The following RNF6 variants were observed in gnomAD, a reference collection of about 807,000 sequenced individuals.
RNF6 encodes the protein ring finger protein 6.
Under a neutral mutation model 50.1 loss-of-function variants are expected in RNF6, and 21 were observed. The ratio of observed to expected loss-of-function variants is 0.42; its 90% CI spans 0.30 to 0.60. The LOEUF (loss-of-function observed/expected upper bound fraction) is 0.60, where lower values mean the gene tolerates loss of function less well. Among genes scored for constraint, RNF6 ranks in the 20% least tolerant of loss-of-function variants. The probability of loss-of-function intolerance (pLI) is 0.20; values close to 1 mark genes in which losing one functional copy is unlikely to be tolerated. For missense variants in RNF6, 698 were observed against 838.2 expected (o/e 0.83, Z 2.07); for synonymous variants, 255 against 291.8 (o/e 0.87, Z 1.29).
chr13:26,140,754 C>T (rs1870896390), intron 5 of RNF6, among the ~76,000 whole-genome samples: 1 of 152,118 alleles, frequency 6.6e-6, no homozygotes, highest in Non-Finnish European at 1.5e-5. Context: ...ACAAAAAGCT[C>T]CTAGACCTGA....
chr13:26,205,391 T>C (rs1017561434), intron 5 of RNF6, among the ~76,000 whole-genome samples: 2 of 152,232 alleles, frequency 1.3e-5, no homozygotes, highest in Non-Finnish European at 2.9e-5. Context: ...CTCAATGTTA[T>C]AAAATCACTG....
intron 5 of RNF6, among the ~76,000 whole-genome samples, chr13:26,151,979 C>T (rs373588153): frequency 4.6e-5 from 7 of 152,264 alleles, no homozygotes; most frequent in African/African-American, 1.4e-4. Flanking sequence ...GAGCTGCTCA[C>T]GACTGCCACT....
intron 5 of RNF6, among the ~76,000 whole-genome samples, chr13:26,191,263 TG>T (rs2137685034): frequency 6.6e-6 from 1 of 150,748 alleles, no homozygotes; most frequent in African/African-American, 2.4e-5. Flanking sequence ...CTAATTCCAA[TG>T]GATTAAATAT....
chr13:26,213,762 G>T lies in RNF6; in HGVS notation c.*62C>A. ...TGGTTAGCTAATCACAAATAACTCA[G>T]CAAAACAATGCTTGAACATTCAGTT... is the stretch of plus-strand genomic sequence containing the variant. On this transcript the variant is annotated 3_prime_UTR_variant, in exon 5 of 5. Coordinates refer to ENST00000381588, the MANE Select transcript of RNF6 (RefSeq NM_005977.4). 1 of 1,365,988 alleles carries T rather than the reference G, an allele frequency of 7.3e-7. No individual in the cohort carries two copies. Among genetic ancestry groups the T allele is most frequent in the Non-Finnish European group, 1.0e-6 (1 of 999,694 alleles). 84.6% of individuals were successfully genotyped at this position (1,365,988 alleles called of 1,614,324 possible). A position where few individuals can be genotyped will look rare whatever the true frequency, so the allele number is the denominator to read the frequency against.
chr13:26,161,110 G>A (rs1344881627), intron 5 of RNF6, among the ~76,000 whole-genome samples: 3 of 152,110 alleles, frequency 2.0e-5, no homozygotes, highest in African/African-American at 7.2e-5. Context: ...GATTTGAAAT[G>A]TCATTTTATT....
At chr13:26,155,645 G>A (rs1871879722) in intron 5 of RNF6, among the ~76,000 whole-genome samples, 1 of 152,164 alleles carries the variant, frequency 6.6e-6, no homozygotes, top group Non-Finnish European at 1.5e-5. Context: ...GCTGCTGGAC[G>A]GGCAATAGGT....
At position 26,214,298 on chromosome 13, in the gene RNF6, G is replaced by A. The variant is rs1397215912; in HGVS notation, c.1584C>T (p.Asn528=). 6.2e-7 allele frequency: 1 copy of A among 1,614,080 alleles called. No individual in the cohort carries two copies. Among genetic ancestry groups the A allele is most frequent in the South Asian group, 1.1e-5 (1 of 91,076 alleles). Reference sequence around the variant, plus strand: ...AGGAACCTTCCCTGTGCTGGCTCCTGTTGTTATCTGTACCTAAGTTACTCA... The same window carrying A: ...AGGAACCTTCCCTGTGCTGGCTCCTATTGTTATCTGTACCTAAGTTACTCA... The part of the protein sequence containing the change: ...SELSNLGTDN[N]RSQHREGSSQ... Residue 528 remains asparagine (N), a synonymous_variant, in exon 5 of 5, where the codon AAC becomes AAT. Coordinates refer to ENST00000381588, the MANE Select transcript of RNF6 (RefSeq NM_005977.4).
chr13:26,169,176 G>C (rs1000284939), intron 5 of RNF6, among the ~76,000 whole-genome samples: 10 of 152,116 alleles, frequency 6.6e-5, no homozygotes, highest in East Asian at 1.9e-4. Context: ...GCATAGAAAG[G>C]GTTCCCTGCC....
At chr13:26,211,121 T>C (rs1311484481), downstream of RNF6, among the ~76,000 whole-genome samples, 1 of 152,250 alleles carries the variant, frequency 6.6e-6, no homozygotes, top group African/African-American at 2.4e-5. Flanking sequence ...TGGGCCTTTG[T>C]ATTTGTCATC....
chr13:26,135,997 A>G (rs1870629034), intron 5 of RNF6, among the ~76,000 whole-genome samples: 1 of 152,188 alleles, frequency 6.6e-6, no homozygotes, highest in Admixed American at 6.5e-5. Flanking sequence ...ACTATGTTTC[A>G]TGTACAGTCT....
chr13:26,214,141 C>T lies in RNF6; in HGVS notation c.1741G>A (p.Gly581Arg), dbSNP rs559444393. Residue 581 changes from glycine to arginine, a missense_variant, in exon 5 of 5, where the codon GGA becomes AGA. Transcript: ENST00000381588. ...LRNPNNLVET[G>R]TLPILRLAHF... The stretch of plus-strand genomic sequence containing the variant: ...GCAAGGCGAAGAATGGGTAGTGTTC[C>T]AGTTTCAACTAAATTGTTTGGATTT... The T allele has an allele frequency of 6.2e-7, 1 of 1,614,162 alleles. No individual in the cohort carries two copies. The highest frequency in any genetic ancestry group is 1.3e-5 in the African/African-American group (1 of 75,032).
rs77676730 is a variant in RNF6 at position 26,184,769 on chromosome 13, A to G, written n.768+30705T>C. The stretch of plus-strand genomic sequence containing the variant: ...AATGCCTCACCTTACATTTTCTATG[A>G]GTGAAAATAACGTAGATTGAATGCT... On this transcript the variant is annotated intron_variant and non_coding_transcript_variant, in intron 5 of 5. Coordinates refer to the RNF6 transcript ENST00000468480. Among the ~76,000 whole-genome samples, 782 of 152,218 alleles carry G rather than the reference A, an allele frequency of 5.1e-3. 40 individuals carry two copies. In the East Asian group the frequency reaches 0.13, roughly 25 times the overall value.
chr13:26,220,610 A>G (rs558741375), intron 2 of RNF6, among the ~76,000 whole-genome samples: 1 of 152,338 alleles, frequency 6.6e-6, no homozygotes, highest in Admixed American at 6.5e-5. Context: ...AGATGCCCAA[A>G]TCTCATCCCC....
At chr13:26,136,533 T>A (rs1429995244) in intron 5 of RNF6, among the ~76,000 whole-genome samples, 1 of 152,182 alleles carries the variant, frequency 6.6e-6, no homozygotes, top group Non-Finnish European at 1.5e-5. Flanking sequence ...CCATGTCAAA[T>A]GACAACACAT....
downstream of RNF6, among the ~76,000 whole-genome samples, chr13:26,209,786 G>GAT (rs35139305): frequency 0.21 from 29,642 of 140,364 alleles, 3,057 homozygotes; most frequent in East Asian, 0.41. Context: ...GAAGATGTGA[G>GAT]ATATATATAT....
At chr13:26,140,052 A>G (rs1870857503) in intron 5 of RNF6, among the ~76,000 whole-genome samples, 1 of 152,300 alleles carries the variant, frequency 6.6e-6, no homozygotes, top group African/African-American at 2.4e-5. Context: ...GACTTTGCAA[A>G]ATATGTCTAC....
intron 5 of RNF6, among the ~76,000 whole-genome samples, chr13:26,164,288 T>C (rs920239446): frequency 6.6e-6 from 1 of 152,208 alleles, no homozygotes; most frequent in Non-Finnish European, 1.5e-5. Flanking sequence ...TGAAACTATA[T>C]GATTTGATAT....
intron 5 of RNF6, among the ~76,000 whole-genome samples, chr13:26,166,521 T>C (rs1391572501): frequency 6.6e-6 from 1 of 152,076 alleles, no homozygotes; most frequent in East Asian, 1.9e-4. Flanking sequence ...GGATACAAAA[T>C]CAGTATACAA....
intron 5 of RNF6, among the ~76,000 whole-genome samples, chr13:26,184,307 G>T (rs1284977762): frequency 1.3e-5 from 2 of 151,736 alleles, no homozygotes; most frequent in Non-Finnish European, 2.9e-5. Context: ...CTGGGATTAC[G>T]GGCGTGAGCC....
Sources: gnomAD v4.1 joint callset for allele counts (sites outside exome capture counted in the v4.1 genomes callset) on GRCh38, gnomAD v4.1.1 for gene constraint, MANE v1.5 for transcripts, NCBI Gene and HGNC (gene_info 2026-07-23, HGNC 2026-07-21) for gene names.